The following CSGALNACT2 variants were observed in gnomAD, a reference collection of about 807,000 sequenced individuals.
CSGALNACT2 encodes the protein chondroitin sulfate N-acetylgalactosaminyltransferase 2, also known as beta 4 GalNAcT-2.
CSGALNACT2 carries 35 observed loss-of-function variants against 55.3 expected under a neutral mutation model. The observed-to-expected ratio is 0.63, with a 90% CI of 0.48 to 0.84. The LOEUF is 0.84. CSGALNACT2 is among the 40% of genes least tolerant of loss of function. CSGALNACT2 has a pLI of 0.00. For missense variants in CSGALNACT2, 544 were observed against 657.5 expected (o/e 0.83, Z 1.89); for synonymous variants, 196 against 224.9 (o/e 0.87, Z 1.15).
intron 4 of CSGALNACT2, chr10:43,163,630 TTA>T: frequency 1.0e-6 from 1 of 985,454 alleles, no homozygotes; most frequent in Non-Finnish European, 1.2e-6. Context: ...AGTGGCCACT[TTA>T]ACACTTTTGG....
At chr10:43,163,658 A>T in intron 4 of CSGALNACT2, 1 of 985,454 alleles carries the variant, frequency 1.0e-6, no homozygotes, top group Non-Finnish European at 1.2e-6. Context: ...CATACCACCA[A>T]CATGTGCCTC....
At chr10:43,164,148 C>A in intron 5 of CSGALNACT2, 104 bp downstream of exon 5, 1 of 923,636 alleles carries the variant, frequency 1.1e-6, no homozygotes, top group Non-Finnish European at 1.6e-6. Flanking sequence ...TTTAGTTAAA[C>A]CCCAGTATTT....
chr10:43,153,629 A>G (rs924536030), intron 1 of CSGALNACT2, among the ~76,000 whole-genome samples: 4 of 152,196 alleles, frequency 2.6e-5, no homozygotes, highest in Admixed American at 6.5e-5. Flanking sequence ...GAAAACCATT[A>G]CTGTTAAAAA....
At chr10:43,169,526 G>C (rs1282484048) in intron 6 of CSGALNACT2, among the ~76,000 whole-genome samples, 1 of 152,136 alleles carries the variant, frequency 6.6e-6, no homozygotes, top group Non-Finnish European at 1.5e-5. Context: ...TAGCAGAATG[G>C]TTACAGTTGA....
rs138596302 is a variant in CSGALNACT2, at chr10:43,164,011, T to C, written c.1126T>C (p.Phe376Leu). 2 of 1,613,894 alleles carry C rather than the reference T, an allele frequency of 1.2e-6. No homozygotes were observed. Among genetic ancestry groups the C allele is most frequent in the Non-Finnish European group, 1.7e-6 (2 of 1,179,958 alleles). Residue 376 changes from phenylalanine to leucine, a missense_variant, in exon 5 of 8, where the codon TTC becomes CTC. Around this residue, in one of 2 missense-constraint regions of CSGALNACT2, gnomAD observed 170 missense variants for 256.2 expected, o/e 0.66. Coordinates refer to ENST00000374466, the MANE Select transcript of CSGALNACT2 (RefSeq NM_018590.5). ...CDVDIYFSAE[F>L]LNSCRLNAEP... ...TGTTGATATCTATTTCTCAGCCGAA[T>C]TCCTTAACAGCTGCCGGTTAAATGC...
intron 1 of CSGALNACT2, among the ~76,000 whole-genome samples, chr10:43,145,697 A>G (rs1018035234): frequency 1.3e-5 from 2 of 152,146 alleles, no homozygotes; most frequent in African/African-American, 2.4e-5. Context: ...ATGAGCCACC[A>G]TGCCCAGCCT....
rs772516385 is a variant in CSGALNACT2 at position 43,155,298 on chromosome 10, A to G, written c.149A>G (p.Glu50Gly). The change falls in exon 2 of 8, where the codon GAA becomes GGA. Residue 50 changes from glutamate (E) to glycine (G), a missense_variant. This residue lies in a region of CSGALNACT2 where 374 missense variants were observed against 401.3 expected (regional missense o/e 0.93). Transcript: ENST00000374466. ...GNASLPGVVG[E>G]NYGKEYYQAL... ...GCATCTCTTCCTGGTGTTGTTGGGG[A>G]AAATTATGGTAAAGAGTATTATCAA... 1.9e-6 allele frequency: 3 copies of G among 1,613,992 alleles called. No individual in the cohort carries two copies. Among genetic ancestry groups the G allele is most frequent in the Non-Finnish European group, 2.5e-6 (3 of 1,180,002 alleles).
intron 1 of CSGALNACT2, among the ~76,000 whole-genome samples, chr10:43,152,087 A>G (rs1838886890): frequency 6.6e-6 from 1 of 152,166 alleles, no homozygotes; most frequent in Non-Finnish European, 1.5e-5. Flanking sequence ...CTTTGGCTTC[A>G]TATTACATAC....
chr10:43,167,952 T>C (rs965831192), intron 6 of CSGALNACT2, among the ~76,000 whole-genome samples: 6 of 149,976 alleles, frequency 4.0e-5, no homozygotes, highest in South Asian at 4.2e-4. Flanking sequence ...TTGAGAAATA[T>C]AGAAGCTTAT....
Position 43,158,858 on chromosome 10 carries a change from A to G in CSGALNACT2, c.805A>G (p.Arg269Gly). The G allele has an allele frequency of 6.2e-7, 1 of 1,611,612 alleles. No individual in the cohort carries two copies. The highest frequency in any genetic ancestry group is 8.5e-7 in the Non-Finnish European group (1 of 1,177,854). ...KVKSEMIDITRSIINIIVPLA... is the reference protein window; with the variant it reads ...KVKSEMIDITGSIINIIVPLA... ...GAAGAGTGAGATGATTGACATCACTAGATCAATTATTAATATCATTGTGCC... is the reference window on the plus strand; with the variant it reads ...GAAGAGTGAGATGATTGACATCACTGGATCAATTATTAATATCATTGTGCC... Residue 269 changes from arginine to glycine, a missense_variant, in exon 3 of 8, where the codon AGA becomes GGA. Transcript: ENST00000374466.
At chr10:43,162,071 C>T (rs1839161121) in intron 4 of CSGALNACT2, 1 of 492,348 alleles carries the variant, frequency 2.0e-6, no homozygotes, top group Admixed American at 2.0e-5. Context: ...TTGTTACAAC[C>T]AAATTTGGGG....
At chr10:43,160,990 C>G (rs1268694959) in intron 4 of CSGALNACT2, among the ~76,000 whole-genome samples, 11 of 152,086 alleles carry the variant, frequency 7.2e-5, no homozygotes, top group African/African-American at 2.7e-4. Flanking sequence ...CTCCCATATC[C>G]TTAAGAAACT....
chr10:43,142,166 T>A (rs2435374), intron 1 of CSGALNACT2, among the ~76,000 whole-genome samples: 75,231 of 151,944 alleles, frequency 0.5, 19,247 homozygotes, highest in Non-Finnish European at 0.57. Flanking sequence ...GACTGGCTTT[T>A]ACACTTTTTA....
At chr10:43,177,382 A>G (rs533174134) in intron 7 of CSGALNACT2, among the ~76,000 whole-genome samples, 2 of 152,274 alleles carry the variant, frequency 1.3e-5, no homozygotes, top group Non-Finnish European at 2.9e-5. Flanking sequence ...ATTTCACCCC[A>G]AAAAGAAATC....
intron 3 of CSGALNACT2, among the ~76,000 whole-genome samples, chr10:43,159,291 C>A (rs144240454): frequency 2.0e-5 from 3 of 151,748 alleles, no homozygotes; most frequent in Non-Finnish European, 4.4e-5. Flanking sequence ...TATCATGACT[C>A]TTTTTTTATT....
chr10:43,149,710 C>A (rs2133100983), intron 1 of CSGALNACT2, among the ~76,000 whole-genome samples: 1 of 152,196 alleles, frequency 6.6e-6, no homozygotes, highest in East Asian at 1.9e-4. Flanking sequence ...TAGAATGCTT[C>A]CTCTTCTATT....
chr10:43,148,279 G>A (rs1041029696), intron 1 of CSGALNACT2, among the ~76,000 whole-genome samples: 1 of 152,108 alleles, frequency 6.6e-6, no homozygotes, highest in African/African-American at 2.4e-5. Flanking sequence ...ATACCACATT[G>A]TCTTAATTAC....
intron 4 of CSGALNACT2, 66 bp from the exon 5 acceptor site, chr10:43,163,800 G>A: frequency 6.6e-7 from 1 of 1,512,612 alleles, no homozygotes. Flanking sequence ...TGTAAGCTGT[G>A]TTGAAGGAAG....
At position 43,176,039 on chromosome 10, in the gene CSGALNACT2, A is replaced by G. The variant is rs763444153; in HGVS notation, c.1336+7A>G. The G allele has an allele frequency of 9.4e-5, 150 of 1,592,772 alleles. No individual in the cohort carries two copies. Among genetic ancestry groups the G allele is most frequent in the Non-Finnish European group, 1.2e-4 (145 of 1,170,768 alleles). On this transcript the variant is annotated splice_region_variant and intron_variant, in intron 7 of 7. Coordinates refer to ENST00000374466, the MANE Select transcript of CSGALNACT2 (RefSeq NM_018590.5). ...TCAGATTTCCTGACCATTGGTAAGTATACTTTACATTTAAGGATAGGACTT... is the reference window on the plus strand; with the variant it reads ...TCAGATTTCCTGACCATTGGTAAGTGTACTTTACATTTAAGGATAGGACTT...
Sources: allele counts gnomAD v4.1 joint callset (sites outside exome capture counted in the v4.1 genomes callset), GRCh38; gene constraint gnomAD v4.1.1; regional missense constraint gnomAD v4.1.1; transcripts MANE v1.5; gene names NCBI Gene and HGNC (gene_info 2026-07-23, HGNC 2026-07-21).